Variants in AGMO observed in about 807,000 individuals in gnomAD.
AGMO encodes alkylglycerol monooxygenase, also known as glyceryl-ether monooxygenase.
A neutral mutation model predicts 60.2 loss-of-function variants in AGMO; 75 were observed. The observed-to-expected ratio is 1.25, with a 90% CI of 1.03 to 1.51. AGMO has a LOEUF of 1.51. Ranked by LOEUF, AGMO falls within the 40% of genes most tolerant of loss-of-function variation. The pLI, the probability that AGMO is intolerant of heterozygous loss-of-function variation, is 0.00. For missense variants in AGMO, 763 were observed against 525.5 expected, an observed-to-expected ratio of 1.45 and a Z score of -4.42; for synonymous variants, 261 against 177.1, an observed-to-expected ratio of 1.47 and a Z score of -3.76.
intron 12 of AGMO, among the ~76,000 whole-genome samples, chr7:15,266,401 C>CA (rs141128653): frequency 0.11 from 16,322 of 151,078 alleles, 1,189 homozygotes; most frequent in South Asian, 0.28. Context: ...ATGGAAAAAG[C>CA]AAAAAAAAGT....
intron 10 of AGMO, among the ~76,000 whole-genome samples, chr7:15,367,775 C>G (rs1783043904): frequency 6.6e-6 from 1 of 152,014 alleles, no homozygotes; most frequent in South Asian, 2.1e-4. Flanking sequence ...TTTATGAAAA[C>G]CCAGAGGTGT....
intron 3 of AGMO, among the ~76,000 whole-genome samples, chr7:15,510,641 G>A (rs970939766): frequency 1.9e-4 from 29 of 149,768 alleles, no homozygotes; most frequent in African/African-American, 9.8e-5. Flanking sequence ...TTACAACAAC[G>A]TAGATGAACC....
the AGMO span, among the ~76,000 whole-genome samples, chr7:15,153,603 T>C: frequency 6.6e-6 from 1 of 152,180 alleles, no homozygotes; most frequent in Non-Finnish European, 1.5e-5. Context: ...TAGGGTGTCC[T>C]TTCCCCATTT....
chr7:15,391,061 T>TTGTC (rs1182483379), intron 6 of AGMO, among the ~76,000 whole-genome samples, 156 bp from the exon 7 acceptor site: 1 of 152,120 alleles, frequency 6.6e-6, no homozygotes, highest in East Asian at 1.9e-4. Context: ...TCAGATTTTA[T>TTGTC]TGTCTAATAA....
At chr7:15,273,133 T>A (rs575302299) in intron 12 of AGMO, among the ~76,000 whole-genome samples, 4 of 152,234 alleles carry the variant, frequency 2.6e-5, no homozygotes, top group Non-Finnish European at 5.9e-5. Flanking sequence ...TTAGTTTAAT[T>A]AGATCCCATT....
intron 12 of AGMO, among the ~76,000 whole-genome samples, chr7:15,349,343 G>C (rs1213498434): frequency 6.6e-6 from 1 of 152,052 alleles, no homozygotes; most frequent in Non-Finnish European, 1.5e-5. Context: ...TGCCATCCTT[G>C]CCAGAAGGTT....
chr7:15,235,698 T>C (rs1485443600), intron 12 of AGMO, among the ~76,000 whole-genome samples: 5 of 152,176 alleles, frequency 3.3e-5, no homozygotes, highest in South Asian at 2.1e-4. Flanking sequence ...CTAATAGCTG[T>C]AGACCTTTGG....
chr7:15,447,455 C>G (rs866789650), intron 3 of AGMO, among the ~76,000 whole-genome samples: 2 of 152,200 alleles, frequency 1.3e-5, no homozygotes, highest in Non-Finnish European at 2.9e-5. Flanking sequence ...ACCATTGAAC[C>G]CCATAGCGGG....
At chr7:15,417,436 G>A (rs375524334) in intron 5 of AGMO, among the ~76,000 whole-genome samples, 6 of 152,254 alleles carry the variant, frequency 3.9e-5, no homozygotes, top group East Asian at 3.9e-4. Context: ...GACACATGGC[G>A]TGACCTGGAG....
At chr7:15,121,788 A>C in the AGMO span, among the ~76,000 whole-genome samples, 1 of 152,100 alleles carries the variant, frequency 6.6e-6, no homozygotes, top group Non-Finnish European at 1.5e-5. Flanking sequence ...CTCTTCAACA[A>C]ACCTGACAAA....
chr7:15,507,354 C>A (rs1294835295), intron 3 of AGMO, among the ~76,000 whole-genome samples: 4 of 151,934 alleles, frequency 2.6e-5, no homozygotes, highest in Non-Finnish European at 1.5e-5. Flanking sequence ...GGAAAGAAAA[C>A]AACACTACGG....
chr7:15,287,763 A>G (rs62450289), intron 12 of AGMO, among the ~76,000 whole-genome samples: 12,227 of 147,822 alleles, frequency 0.083, 634 homozygotes, highest in South Asian at 0.2. Flanking sequence ...GAATACTTTA[A>G]ATGCATTTTA....
intron 6 of AGMO, among the ~76,000 whole-genome samples, chr7:15,393,159 G>A (rs1207172228): frequency 6.6e-6 from 1 of 152,228 alleles, no homozygotes; most frequent in Non-Finnish European, 1.5e-5. Context: ...GAGTTTGGAA[G>A]AGGAAACCGC....
At chr7:15,386,929 T>C (rs1159079872) in intron 9 of AGMO, among the ~76,000 whole-genome samples, 2 of 152,204 alleles carry the variant, frequency 1.3e-5, no homozygotes, top group African/African-American at 2.4e-5. Context: ...TACTCTACTA[T>C]AAAATGAATA....
chr7:15,507,731 TA>T (rs1303652542), intron 3 of AGMO, among the ~76,000 whole-genome samples: 5 of 152,108 alleles, frequency 3.3e-5, no homozygotes, highest in Non-Finnish European at 7.4e-5. Context: ...AAATGTTTTT[TA>T]AACATTTTTA....
chr7:15,465,530 C>G (rs931005402), intron 3 of AGMO, among the ~76,000 whole-genome samples: 1 of 150,498 alleles, frequency 6.6e-6, no homozygotes, highest in Non-Finnish European at 1.5e-5. Context: ...TCAAGCAATT[C>G]TCCCGCCTCA....
At position 15,259,939 on chromosome 7, in the gene AGMO, G is replaced by T. The variant is rs567240516; in HGVS notation, c.1264-58580C>A. 2.3e-4 allele frequency among the ~76,000 whole-genome samples: 15 copies of T among 66,484 alleles called. No homozygotes were observed. The East Asian group carries it at 6.7e-3, about 30-fold the overall frequency. The allele number at this position is 66,484 out of a possible 152,430, so 43.6% of individuals were successfully genotyped here. On this transcript the variant is annotated intron_variant, in intron 12 of 12. Coordinates refer to ENST00000342526, the MANE Select transcript of AGMO (RefSeq NM_001004320.2). ...AAAAAAAAAAAAAGCTCTAAATCTT[G>T]AAATATATCCTGGAAATACAAGGTT... is the stretch of plus-strand genomic sequence containing the variant.
chr7:15,158,009 G>C, the AGMO span, among the ~76,000 whole-genome samples: 1 of 151,806 alleles, frequency 6.6e-6, no homozygotes, highest in Non-Finnish European at 1.5e-5. Context: ...AGGGGCTCTA[G>C]GCACTATTAT....
chr7:15,218,530 TA>T (rs1447561403), intron 12 of AGMO, among the ~76,000 whole-genome samples: 1 of 146,548 alleles, frequency 6.8e-6, no homozygotes, highest in African/African-American at 2.7e-5. Context: ...AATGTTCAGA[TA>T]AAAAATTCAT....
Sources: gnomAD v4.1 joint callset for allele counts (sites outside exome capture counted in the v4.1 genomes callset) on GRCh38, gnomAD v4.1.1 for gene constraint, MANE v1.5 for transcripts, NCBI Gene and HGNC (gene_info 2026-07-23, HGNC 2026-07-21) for gene names.